PCDH15: variants seen among roughly 807,000 people sequenced by gnomAD.
PCDH15 encodes protocadherin related 15.
In PCDH15, 129 loss-of-function variants were observed where a neutral mutation model predicts 178.5. The ratio of observed to expected loss-of-function variants is 0.72; its 90% CI spans 0.63 to 0.84. The LOEUF (loss-of-function observed/expected upper bound fraction) is 0.84. Among genes scored for constraint, PCDH15 ranks in the 40% least tolerant of loss-of-function variants. The pLI is 0.00. For missense variants in PCDH15, 2,230 were observed against 2,099.9 expected (o/e 1.06, Z -1.21); for synonymous variants, 800 against 732.0 (o/e 1.09, Z -1.50).
intron 2 of PCDH15, among the ~76,000 whole-genome samples, chr10:55,553,766 T>A (rs1842040776): frequency 6.6e-6 from 1 of 151,894 alleles, no homozygotes; most frequent in Non-Finnish European, 1.5e-5. Flanking sequence ...ATGATGAGTA[T>A]GTAGTTGAGA....
At chr10:55,525,141 A>T (rs1437635165) in intron 2 of PCDH15, among the ~76,000 whole-genome samples, 1 of 151,850 alleles carries the variant, frequency 6.6e-6, no homozygotes, top group Non-Finnish European at 1.5e-5. Context: ...GAGTAGGTTG[A>T]TCTTAGCGCA....
chr10:55,076,264 A>G (rs778660219), intron 2 of PCDH15, among the ~76,000 whole-genome samples: 24 of 152,124 alleles, frequency 1.6e-4, no homozygotes, highest in Admixed American at 7.2e-4. Context: ...CTAAAGTCCA[A>G]TTTAAGTCCA....
chr10:55,622,124 T>C (rs897124305), intron 2 of PCDH15, among the ~76,000 whole-genome samples: 4 of 68,836 alleles, frequency 5.8e-5, no homozygotes, highest in Admixed American at 1.7e-4. Context: ...TCTATAAATA[T>C]ATATATTATA....
intron 26 of PCDH15, among the ~76,000 whole-genome samples, chr10:53,897,109 T>C (rs920773347): frequency 6.6e-6 from 1 of 152,098 alleles, no homozygotes; most frequent in Admixed American, 6.6e-5. Flanking sequence ...GACATTTCAG[T>C]TAATGATGTT....
chr10:55,593,196 G>A (rs1381397783), intron 2 of PCDH15, among the ~76,000 whole-genome samples: 1 of 151,920 alleles, frequency 6.6e-6, no homozygotes, highest in Non-Finnish European at 1.5e-5. Flanking sequence ...AGAAAAACTG[G>A]TATGTTATTA....
intron 15 of PCDH15, among the ~76,000 whole-genome samples, chr10:54,114,976 G>A (rs1239833492): frequency 6.6e-6 from 1 of 152,122 alleles, no homozygotes; most frequent in East Asian, 1.9e-4. Context: ...GTCATTTTAG[G>A]TAATTTTTTT....
chr10:55,538,426 C>CTTCCTTCCTTCCTTCCTCCT (rs1841641933), intron 2 of PCDH15, among the ~76,000 whole-genome samples: 1 of 107,220 alleles, frequency 9.3e-6, no homozygotes, highest in Non-Finnish European at 1.9e-5. Flanking sequence ...CCCTCCCTCC[C>CTTCCTTCCTTCCTTCCTCCT]TTCCTTCCTT....
chr10:55,210,916 G>A (rs1340836507), intron 1 of PCDH15, among the ~76,000 whole-genome samples: 2 of 151,822 alleles, frequency 1.3e-5, no homozygotes, highest in African/African-American at 4.9e-5. Flanking sequence ...GTGAACCACC[G>A]TGTCCGGTCT....
chr10:54,288,165 C>G (rs1276400847), intron 8 of PCDH15, among the ~76,000 whole-genome samples: 4 of 151,794 alleles, frequency 2.6e-5, no homozygotes, highest in African/African-American at 9.7e-5. Flanking sequence ...CTACCAAAAA[C>G]ACAAAAATTA....
intron 3 of PCDH15, among the ~76,000 whole-genome samples, chr10:54,883,704 A>G (rs138296784): frequency 4.9e-4 from 74 of 152,080 alleles, no homozygotes; most frequent in Non-Finnish European, 9.1e-4. Flanking sequence ...ATTATTTACA[A>G]TCTGGAAAGG....
intron 3 of PCDH15, among the ~76,000 whole-genome samples, chr10:54,384,449 C>A (rs1178410951): frequency 1.3e-5 from 2 of 151,544 alleles, no homozygotes; most frequent in African/African-American, 4.9e-5. Context: ...TTTTTGACTG[C>A]GATTTTAAAC....
chr10:54,256,060 G>T (rs1010250854), intron 8 of PCDH15, among the ~76,000 whole-genome samples: 3 of 152,166 alleles, frequency 2.0e-5, no homozygotes, highest in Admixed American at 1.3e-4. Context: ...TCTCCGGAAG[G>T]ATACCCTCCC....
chr10:55,119,904 T>C (rs988352834), intron 2 of PCDH15, among the ~76,000 whole-genome samples: 1 of 152,050 alleles, frequency 6.6e-6, no homozygotes, highest in African/African-American at 2.4e-5. Flanking sequence ...TTAGCTAAGA[T>C]GAAGAATTTG....
At chr10:54,719,775 G>T (rs537894122) in intron 1 of PCDH15, among the ~76,000 whole-genome samples, 25 of 152,130 alleles carry the variant, frequency 1.6e-4, no homozygotes, top group African/African-American at 5.8e-4. Context: ...AGAATATCCA[G>T]TGTTTGGTTT....
intron 2 of PCDH15, among the ~76,000 whole-genome samples, chr10:55,070,206 A>C (rs1841694079): frequency 6.6e-6 from 1 of 152,078 alleles, no homozygotes; most frequent in South Asian, 2.1e-4. Context: ...AGGTTGCGAA[A>C]ATTTTCTTCC....
At chr10:54,168,994 G>C (rs544259297) in intron 13 of PCDH15, among the ~76,000 whole-genome samples, 1 of 151,582 alleles carries the variant, frequency 6.6e-6, no homozygotes, top group Non-Finnish European at 1.5e-5. Context: ...GCGGCCAGGC[G>C]TTCCTCCAGA....
chr10:54,310,353 G>T (rs897913366), intron 8 of PCDH15, among the ~76,000 whole-genome samples: 1 of 152,058 alleles, frequency 6.6e-6, no homozygotes, highest in Non-Finnish European at 1.5e-5. Context: ...GCCGGATGCC[G>T]AGTTTAGAGT....
rs554169264 is a variant in PCDH15, at chr10:54,753,782, G to A, written c.-29+47143C>T. On this transcript the variant is annotated intron_variant, in intron 1 of 37. Transcript: ENST00000644397. ...TTCCTGAGCACAGAAAGGTGACCTCGGCACCAGGGTGTACTGGCTCACTTC... is the reference window on the plus strand; with the variant it reads ...TTCCTGAGCACAGAAAGGTGACCTCAGCACCAGGGTGTACTGGCTCACTTC... Among the ~76,000 whole-genome samples the A allele has an allele frequency of 1.2e-4, 19 of 152,006 alleles. No individual in the cohort carries two copies. The East Asian group carries it at 3.3e-3, about 26-fold the overall frequency.
At chr10:55,075,554 G>A (rs1012395054) in intron 2 of PCDH15, among the ~76,000 whole-genome samples, 13 of 151,530 alleles carry the variant, frequency 8.6e-5, no homozygotes, top group Admixed American at 6.6e-4. Flanking sequence ...TAGTAGAGAC[G>A]GGGTTTCACC....
Sources: allele counts gnomAD v4.1 joint callset (sites outside exome capture counted in the v4.1 genomes callset), GRCh38; gene constraint gnomAD v4.1.1; transcripts MANE v1.5; gene names NCBI Gene and HGNC (gene_info 2026-07-23, HGNC 2026-07-21).